The following EYS variants were observed in gnomAD, a reference collection of about 807,000 sequenced individuals.
The protein encoded by EYS is EGF-like photoreceptor maintenance factor, also known as protein eyes shut homolog.
EYS carries 250 observed loss-of-function variants against 282.1 expected under a neutral mutation model. That is an observed-to-expected ratio of 0.89 (90% confidence interval 0.80 to 0.98). The LOEUF is 0.98. Among genes scored for constraint, EYS ranks in the 50% least tolerant of loss-of-function variants. The pLI, the probability that EYS is intolerant of heterozygous loss-of-function variation, is 0.00. For synonymous variants in EYS, 1,355 were observed against 1,282.9 expected, an observed-to-expected ratio of 1.06 and a Z score of -1.20; for missense variants, 4,016 against 3,709.0, an observed-to-expected ratio of 1.08 and a Z score of -2.15.
chr6:64,933,955 C>A (rs2150088719), intron 15 of EYS, among the ~76,000 whole-genome samples: 1 of 151,964 alleles, frequency 6.6e-6, no homozygotes, highest in African/African-American at 2.4e-5. Context: ...AGGGGAACAT[C>A]ACACACCAGG....
intron 9 of EYS, among the ~76,000 whole-genome samples, chr6:65,345,612 A>G (rs1336144651): frequency 6.6e-6 from 1 of 151,732 alleles, no homozygotes; most frequent in African/African-American, 2.4e-5. Context: ...TCCAACTAGT[A>G]TTTTTTTAGA....
rs1478247849 is a variant in EYS, at chr6:64,047,085, A to G, written c.6725+19253T>C. Among the ~76,000 whole-genome samples the G allele has an allele frequency of 2.0e-5, 3 of 152,284 alleles. No individual in the cohort carries two copies. The East Asian group carries it at 5.8e-4, about 29-fold the overall frequency. The stretch of plus-strand genomic sequence containing the variant: ...TTTTTTCCCCCTCTCATTATTCCAT[A>G]TTTGAAATTAACCAAGTATTAAAAT... On this transcript the variant is annotated intron_variant, in intron 33 of 42. Coordinates refer to ENST00000503581, the MANE Select transcript of EYS (RefSeq NM_001142800.2).
intron 22 of EYS, among the ~76,000 whole-genome samples, chr6:64,636,280 A>G (rs1767977554): frequency 6.6e-6 from 1 of 152,222 alleles, no homozygotes; most frequent in Admixed American, 6.5e-5. Context: ...CTCAGAAATA[A>G]TGCCACATAT....
intron 22 of EYS, among the ~76,000 whole-genome samples, chr6:64,803,830 C>A (rs1764340180): frequency 6.6e-6 from 1 of 152,180 alleles, no homozygotes; most frequent in South Asian, 2.1e-4. Context: ...AAAATTGGAG[C>A]AGGTGCCAGG....
intron 8 of EYS, among the ~76,000 whole-genome samples, chr6:65,362,580 C>A (rs140300677): frequency 1.8e-3 from 273 of 151,486 alleles, no homozygotes; most frequent in African/African-American, 6.3e-3. Context: ...TATATATATA[C>A]ATATATGTAC....
At chr6:65,695,526 T>C (rs1470359286) in intron 1 of EYS, among the ~76,000 whole-genome samples, 1 of 151,890 alleles carries the variant, frequency 6.6e-6, no homozygotes, top group African/African-American at 2.4e-5. Context: ...GAGTTTTCAG[T>C]GGGAAAATAG....
intron 19 of EYS, among the ~76,000 whole-genome samples, chr6:64,838,108 G>A (rs906596747): frequency 1.3e-5 from 2 of 151,480 alleles, no homozygotes; most frequent in Non-Finnish European, 3.0e-5. Context: ...TGCTTCTTTT[G>A]TTCAAACACA....
At chr6:64,279,047 A>T (rs1400962758) in intron 30 of EYS, among the ~76,000 whole-genome samples, 1 of 152,176 alleles carries the variant, frequency 6.6e-6, no homozygotes, top group African/African-American at 2.4e-5. Flanking sequence ...CTACAAAAAC[A>T]TGCTGCCATC....
At chr6:65,230,874 T>TAA (rs1276835317) in intron 12 of EYS, among the ~76,000 whole-genome samples, 2 of 151,346 alleles carry the variant, frequency 1.3e-5, no homozygotes, top group African/African-American at 2.4e-5. Context: ...GGCATGCTCT[T>TAA]AATTGTACAG....
At chr6:65,218,516 T>G (rs764336971) in intron 12 of EYS, among the ~76,000 whole-genome samples, 18 of 152,134 alleles carry the variant, frequency 1.2e-4, no homozygotes, top group Non-Finnish European at 2.5e-4. Flanking sequence ...GTACCAGTTG[T>G]AAGCTGAGGC....
At chr6:65,435,592 T>C (rs1401924236) in intron 5 of EYS, among the ~76,000 whole-genome samples, 1 of 152,090 alleles carries the variant, frequency 6.6e-6, no homozygotes, top group Admixed American at 6.6e-5. Context: ...GGAATCCTCC[T>C]TTATTATTTT....
chr6:64,479,879 G>T (rs529452064), intron 26 of EYS, among the ~76,000 whole-genome samples: 18 of 151,984 alleles, frequency 1.2e-4, no homozygotes, highest in African/African-American at 4.1e-4. Context: ...TGAACTGACT[G>T]TTGAGAGCCT....
At chr6:64,099,293 A>G (rs2150257909) in intron 31 of EYS, among the ~76,000 whole-genome samples, 1 of 152,344 alleles carries the variant, frequency 6.6e-6, no homozygotes, top group African/African-American at 2.4e-5. Context: ...CTAATTAAGC[A>G]TGGTTGCAAT....
intron 31 of EYS, among the ~76,000 whole-genome samples, chr6:64,165,427 CT>C (rs1764260793): frequency 6.6e-6 from 1 of 151,952 alleles, no homozygotes; most frequent in African/African-American, 2.4e-5. Flanking sequence ...TTAAACTGTT[CT>C]TTCTTAAAAT....
At chr6:64,021,667 G>A (rs923209107) in intron 33 of EYS, among the ~76,000 whole-genome samples, 1 of 152,072 alleles carries the variant, frequency 6.6e-6, no homozygotes, top group Non-Finnish European at 1.5e-5. Context: ...TCTATTTGTA[G>A]GGAATACATT....
Position 64,555,659 on chromosome 6 carries a change from T to C in EYS, c.5644+34564A>G, listed in dbSNP as rs536404333. 4.0e-5 allele frequency among the ~76,000 whole-genome samples: 6 copies of C among 151,760 alleles called. No individual in the cohort carries two copies. The East Asian group carries it at 1.2e-3, about 29-fold the overall frequency. ...AAAAAATATATGTACAAAAAGGAAA[T>C]ACAGATGGCAAATATGCATGTGAAA... On this transcript the variant is annotated intron_variant, in intron 26 of 42. Transcript: ENST00000503581.
intron 26 of EYS, among the ~76,000 whole-genome samples, chr6:64,452,302 G>C (rs1775380478): frequency 6.6e-6 from 1 of 151,956 alleles, no homozygotes; most frequent in Non-Finnish European, 1.5e-5. Context: ...AACTTACAAG[G>C]GATGTGAAGG....
Position 65,181,651 on chromosome 6 carries a change from G to A in EYS, c.2023+114212C>T, listed in dbSNP as rs864561. Among the ~76,000 whole-genome samples the A allele has an allele frequency of 2.5e-3, 374 of 152,204 alleles. 2 individuals are homozygous for A. The highest frequency in any genetic ancestry group is 0.014 in the Middle Eastern group (4 of 294). ...CAACCGTTGTGGAAATCAGTGTGGCGATTCCTTAGGGATCTAGAACTAGAA... is the reference window on the plus strand; with the variant it reads ...CAACCGTTGTGGAAATCAGTGTGGCAATTCCTTAGGGATCTAGAACTAGAA... On this transcript the variant is annotated intron_variant, in intron 12 of 42. Transcript: ENST00000503581.
chr6:65,166,169 T>G (rs981326535), intron 12 of EYS, among the ~76,000 whole-genome samples: 1 of 151,064 alleles, frequency 6.6e-6, no homozygotes, highest in African/African-American at 2.4e-5. Flanking sequence ...CCCAAATTAT[T>G]CTATAGTCTC....
Sources: gnomAD v4.1 joint callset for allele counts (sites outside exome capture counted in the v4.1 genomes callset) on GRCh38, gnomAD v4.1.1 for gene constraint, MANE v1.5 for transcripts, NCBI Gene and HGNC (gene_info 2026-07-23, HGNC 2026-07-21) for gene names.